RGS6: variants seen among roughly 807,000 people sequenced by gnomAD.
RGS6 encodes regulator of G-protein signaling 6.
RGS6 carries 30 observed loss-of-function variants against 78.5 expected under a neutral mutation model. That is an observed-to-expected ratio of 0.38 (90% CI 0.29 to 0.52). The LOEUF is 0.52. Among genes scored for constraint, RGS6 ranks in the 20% least tolerant of loss-of-function variants. The pLI, the probability that RGS6 is intolerant of heterozygous loss-of-function variation, is 0.85. For synonymous variants in RGS6, 206 were observed against 206.0 expected (o/e 1.00, Z 0.00); for missense variants, 495 against 609.7 (o/e 0.81, Z 1.98).
intron 2 of RGS6, among the ~76,000 whole-genome samples, chr14:72,071,849 T>C (rs550039019): frequency 6.6e-6 from 1 of 152,366 alleles, no homozygotes; most frequent in Admixed American, 6.5e-5. Context: ...TTTCACGATG[T>C]CTTGTATTAT....
intron 2 of RGS6, among the ~76,000 whole-genome samples, chr14:72,275,862 T>G (rs2060587370): frequency 6.6e-6 from 1 of 152,286 alleles, no homozygotes; most frequent in Middle Eastern, 3.4e-3. Context: ...CATGAGCAGC[T>G]TTGGAGGGTA....
intron 2 of RGS6, among the ~76,000 whole-genome samples, chr14:72,043,950 G>A (rs372040392): frequency 3.3e-5 from 5 of 151,812 alleles, no homozygotes; most frequent in Admixed American, 2.0e-4. Context: ...TCCTTGTTCC[G>A]CTTCTCCTCC....
chr14:72,445,003 A>G (rs1199695948), intron 3 of RGS6, among the ~76,000 whole-genome samples: 3 of 152,192 alleles, frequency 2.0e-5, no homozygotes, highest in Non-Finnish European at 2.9e-5. Context: ...AGGACAGGCC[A>G]AAAAGGTGGG....
At chr14:72,256,243 C>A (rs896869597) in intron 2 of RGS6, among the ~76,000 whole-genome samples, 6 of 152,246 alleles carry the variant, frequency 3.9e-5, no homozygotes, top group African/African-American at 1.4e-4. Context: ...AAGATGAAAT[C>A]ATTGAGGTCT....
chr14:72,198,449 A>G (rs2040716833), intron 2 of RGS6, among the ~76,000 whole-genome samples: 1 of 152,258 alleles, frequency 6.6e-6, no homozygotes, highest in Admixed American at 6.5e-5. Flanking sequence ...ACAATAGACT[A>G]AATAATCCCT....
At chr14:72,416,151 A>G (rs1468497863) in intron 3 of RGS6, among the ~76,000 whole-genome samples, 4 of 152,090 alleles carry the variant, frequency 2.6e-5, no homozygotes, top group Non-Finnish European at 4.4e-5. Flanking sequence ...TCTCAAAAAA[A>G]AAAAAAAAAA....
intron 2 of RGS6, among the ~76,000 whole-genome samples, chr14:72,150,576 C>T (rs1332657943): frequency 6.6e-6 from 1 of 151,952 alleles, no homozygotes; most frequent in Non-Finnish European, 1.5e-5. Context: ...CCTGGGGAGA[C>T]TTCAGGAAAC....
intron 1 of RGS6, among the ~76,000 whole-genome samples, chr14:71,956,381 A>G (rs1046964539): frequency 2.0e-5 from 3 of 151,216 alleles, no homozygotes; most frequent in Non-Finnish European, 2.9e-5. Context: ...TATATATACA[A>G]TAGTATATAT....
intron 2 of RGS6, among the ~76,000 whole-genome samples, chr14:72,032,206 G>A (rs1410497546): frequency 6.6e-6 from 1 of 152,104 alleles, no homozygotes; most frequent in African/African-American, 2.4e-5. Flanking sequence ...GGGGAAGTGG[G>A]AAGGGTAAAT....
At chr14:72,445,396 G>C (rs1459121791) in intron 3 of RGS6, among the ~76,000 whole-genome samples, 1 of 151,890 alleles carries the variant, frequency 6.6e-6, no homozygotes, top group Non-Finnish European at 1.5e-5. Context: ...CACCATGTTG[G>C]CCAGGCTGGT....
chr14:72,550,539 A>G, intron 17 of RGS6: 10 of 1,535,736 alleles, frequency 6.5e-6, no homozygotes, highest in Non-Finnish European at 8.7e-6. Context: ...TGGAGCATCC[A>G]AGACAACACT....
At position 72,484,823 on chromosome 14, in the gene RGS6, A is replaced by G. The variant is rs140974363; in HGVS notation, c.854+6494A>G. 1.9e-3 allele frequency among the ~76,000 whole-genome samples: 280 copies of G among 150,668 alleles called. 2 individuals carry two copies. Among genetic ancestry groups the G allele is most frequent in the African/African-American group, 6.1e-3 (248 of 40,930 alleles). On this transcript the variant is annotated intron_variant, in intron 12 of 17. Transcript: ENST00000553525. ...CTTTGCTGTTAGCTCAGCTCTAACA[A>G]CTCTCTGAGATCCAGAGAGCTGTTT...
chr14:72,031,825 C>T (rs1444991185), intron 2 of RGS6, among the ~76,000 whole-genome samples: 4 of 152,140 alleles, frequency 2.6e-5, no homozygotes, highest in African/African-American at 9.7e-5. Context: ...ATTGACTACT[C>T]CAGATTGCTA....
At chr14:72,085,854 A>AAAAT (rs36099596) in intron 2 of RGS6, among the ~76,000 whole-genome samples, 3 of 6,060 alleles carry the variant, frequency 5.0e-4, no homozygotes, top group African/African-American at 1.5e-3. Context: ...ACACCATCTC[A>AAAAT]AAAAAAAAAA....
intron 17 of RGS6, among the ~76,000 whole-genome samples, chr14:72,551,986 G>A (rs181595761): frequency 9.8e-5 from 15 of 152,344 alleles, no homozygotes; most frequent in East Asian, 3.9e-4. Flanking sequence ...GTGCTTAACA[G>A]GTGTAGCTCT....
intron 2 of RGS6, among the ~76,000 whole-genome samples, chr14:72,134,686 C>A (rs1226482707): frequency 2.0e-5 from 3 of 152,130 alleles, no homozygotes; most frequent in Non-Finnish European, 2.9e-5. Flanking sequence ...CTGCAGTCTG[C>A]AAGCTGGAGA....
intron 17 of RGS6, among the ~76,000 whole-genome samples, chr14:72,558,984 C>T (rs1272835298): frequency 1.3e-5 from 2 of 152,190 alleles, no homozygotes; most frequent in Non-Finnish European, 2.9e-5. Flanking sequence ...GCACCATGAT[C>T]CATTCCCAAC....
In RGS6 at chr14:72,488,837, G is replaced by A. The variant is rs1265295781; in HGVS notation, c.855-6315G>A. ...TGGCTGGTTGGACCCCACTTCCCAG[G>A]TTGGAGATGTGACCACATCGAGGAT... is the stretch of plus-strand genomic sequence containing the variant. On this transcript the variant is annotated intron_variant, in intron 12 of 17. Coordinates refer to ENST00000553525, the MANE Select transcript of RGS6 (RefSeq NM_001204424.2). Among the ~76,000 whole-genome samples, 18 of 152,190 alleles carry A rather than the reference G, an allele frequency of 1.2e-4. 1 individual carries two copies. The highest frequency in any genetic ancestry group is 1.2e-3 in the Admixed American group (18 of 15,278).
At chr14:72,458,481 CCTCA>C in intron 5 of RGS6, 104 bp downstream of exon 5, 1 of 836,548 alleles carries the variant, frequency 1.2e-6, no homozygotes, top group Middle Eastern at 2.4e-4. Flanking sequence ...AGGGAGTAGC[CCTCA>C]CTCCTCATCA....
Sources: gnomAD v4.1 joint callset for allele counts (sites outside exome capture counted in the v4.1 genomes callset) on GRCh38, gnomAD v4.1.1 for gene constraint, MANE v1.5 for transcripts, NCBI Gene and HGNC (gene_info 2026-07-23, HGNC 2026-07-21) for gene names.